Variants in PARP9 observed in about 807,000 individuals in gnomAD.
PARP9 encodes the protein poly(ADP-ribose) polymerase family member 9.
Under a neutral mutation model 68.8 loss-of-function variants are expected in PARP9, and 48 were observed. That is an observed-to-expected ratio of 0.70 (90% CI 0.55 to 0.89). The LOEUF (loss-of-function observed/expected upper bound fraction) is 0.89. Among genes scored for constraint, PARP9 ranks in the 40% least tolerant of loss-of-function variants. The pLI is 0.00. For missense variants in PARP9, 806 were observed against 969.3 expected (o/e 0.83, Z 2.24); for synonymous variants, 309 against 333.8 (o/e 0.93, Z 0.81).
Position 122,555,532 on chromosome 3 carries a change from C to A in PARP9, c.639G>T (p.Leu213=). 6.2e-7 allele frequency: 1 copy of A among 1,614,188 alleles called. No individual in the cohort carries two copies. Residue 213 remains leucine, a synonymous_variant, in exon 4 of 11, where the codon CTG becomes CTT. Transcript: ENST00000682323. ...CTACAATAGTCTTTGTACACAAATT[C>A]AGAGGGAACTGAAAAATCCCAGAGC... ...ALSSGIFQFP[L]NLCTKTIVET...
chr3:122,553,100 G>C (rs1470878393), intron 4 of PARP9, among the ~76,000 whole-genome samples: 1 of 152,054 alleles, frequency 6.6e-6, no homozygotes, highest in African/African-American at 2.4e-5. Context: ...TATGGTTTAA[G>C]GTATAAGAAA....
chr3:122,550,966 AT>A lies in PARP9; in HGVS notation c.1108-165del, dbSNP rs375279501. Among the ~76,000 whole-genome samples, 36 of 152,290 alleles carry A rather than the reference AT, an allele frequency of 2.4e-4. No individual in the cohort carries two copies. The East Asian group carries it at 2.5e-3, about 11-fold the overall frequency. ...AAAGGTCCCACTCCAGAGGGAACCC[AT>A]TATGGTATAAGGTTAGATGGTGAGA... is the stretch of plus-strand genomic sequence containing the variant. On this transcript the variant is annotated intron_variant, in intron 5 of 10. Coordinates refer to ENST00000682323, the MANE Select transcript of PARP9 (RefSeq NM_001146105.2).
chr3:122,562,322 A>G (rs2080298193), intron 1 of PARP9, among the ~76,000 whole-genome samples: 2 of 150,434 alleles, frequency 1.3e-5, no homozygotes, highest in Admixed American at 6.6e-5. Flanking sequence ...AGCTGGGACT[A>G]CAGGCGCCCA....
In PARP9 at chr3:122,547,065, C is replaced by T. The variant is rs10934606; in HGVS notation, c.1327-1576G>A. On this transcript the variant is annotated intron_variant, in intron 6 of 10. Coordinates refer to ENST00000682323, the MANE Select transcript of PARP9 (RefSeq NM_001146105.2). ...ACATACACACATATATATACACATA[C>T]ATATATACACACACACACACATATA... Among the ~76,000 whole-genome samples, 8 of 120,858 alleles carry T rather than the reference C, an allele frequency of 6.6e-5. No individual in the cohort carries two copies. The East Asian group carries it at 1.8e-3, about 27-fold the overall frequency. The allele number at this position is 120,858 out of a possible 152,430, so 79.3% of individuals were successfully genotyped here.
In PARP9 at chr3:122,547,112, C is replaced by CTTT. The variant is rs35670026; in HGVS notation, c.1327-1626_1327-1624dup. Among the ~76,000 whole-genome samples the CTTT allele has an allele frequency of 3.1e-4, 32 of 104,030 alleles. 4 individuals carry two copies. In the East Asian group the frequency reaches 3.6e-3, roughly 12 times the overall value. The allele number at this position is 104,030 out of a possible 152,430, so 68.2% of individuals were successfully genotyped here. A position where few individuals can be genotyped will look rare whatever the true frequency, so the allele number is the denominator to read the frequency against. On this transcript the variant is annotated intron_variant, in intron 6 of 10. Transcript: ENST00000682323. ...TATATATATACACGTATTTTTTTTTCTTTTTTTTTTTTTTTGAGATGGCCC... is the reference window on the plus strand; with the variant it reads ...TATATATATACACGTATTTTTTTTTCTTTTTTTTTTTTTTTTTTGAGATGGCCC...
At chr3:122,532,289 A>T (rs2077365539) in intron 10 of PARP9, 1 of 985,242 alleles carries the variant, frequency 1.0e-6, no homozygotes, top group African/African-American at 1.7e-5. Flanking sequence ...TGGCCTGTGC[A>T]GACACTACCT....
intron 1 of PARP9, among the ~76,000 whole-genome samples, chr3:122,562,415 G>A (rs1372595193): frequency 1.3e-5 from 2 of 150,608 alleles, no homozygotes; most frequent in South Asian, 2.1e-4. Flanking sequence ...GGATGGTCTC[G>A]ATCTCCTGAC....
At chr3:122,547,021 CACACAT>C (rs1326443470) in intron 6 of PARP9, among the ~76,000 whole-genome samples, 1 of 138,646 alleles carries the variant, frequency 7.2e-6, no homozygotes, top group Non-Finnish European at 1.6e-5. Flanking sequence ...TATACACACA[CACACAT>C]ACACACACAT....
At chr3:122,532,187 G>A in intron 10 of PARP9, 1 of 985,418 alleles carries the variant, frequency 1.0e-6, no homozygotes, top group South Asian at 4.7e-5. Context: ...ATTCAGCTTG[G>A]AGGATGAACA....
intron 8 of PARP9, among the ~76,000 whole-genome samples, chr3:122,539,514 T>C (rs571522062): frequency 7.7e-4 from 18 of 23,226 alleles, no homozygotes; most frequent in South Asian, 5.6e-3. Context: ...GGCATTTCTT[T>C]CTTTCTTTCT....
chr3:122,537,124 A>C, intron 8 of PARP9, 51 bp from the exon 9 acceptor site: 1 of 1,517,326 alleles, frequency 6.6e-7, no homozygotes, highest in Non-Finnish European at 8.9e-7. Context: ...AGAGAGGAGA[A>C]AAGAAATTTA....
intron 9 of PARP9, 47 bp from the exon 10 acceptor site, chr3:122,536,389 T>C: frequency 6.3e-7 from 1 of 1,594,106 alleles, no homozygotes; most frequent in Non-Finnish European, 8.5e-7. Flanking sequence ...AGAGAACCGC[T>C]CTTTAAATTG....
chr3:122,562,106 C>T (rs914400624), intron 1 of PARP9, among the ~76,000 whole-genome samples: 1 of 152,220 alleles, frequency 6.6e-6, no homozygotes, highest in African/African-American at 2.4e-5. Context: ...CCCACTGACA[C>T]TGCCTCACTT....
In PARP9 at chr3:122,536,273, G is replaced by A; in HGVS notation, c.1975C>T (p.Leu659=). Residue 659 remains leucine (L), a synonymous_variant, in exon 10 of 11, where the codon CTG becomes TTG. Transcript: ENST00000682323. ...CTATGGCTCACAGGTTGCCTGTGCA[G>A]TTTTTCTTCCATCATTTTCTTCTTT... ...QRKKKMMEEK[L]HRQPVSHRLF... 6.2e-7 allele frequency: 1 copy of A among 1,614,154 alleles called. No individual in the cohort carries two copies. Among genetic ancestry groups the A allele is most frequent in the East Asian group, 2.2e-5 (1 of 44,880 alleles).
Position 122,528,196 on chromosome 3 carries a change from G to C in PARP9, c.*168C>G. On this transcript the variant is annotated 3_prime_UTR_variant, in exon 11 of 11. Coordinates refer to ENST00000682323, the MANE Select transcript of PARP9 (RefSeq NM_001146105.2). Reference sequence around the variant, plus strand: ...ACCCCAACCCCAAGACATAAAGACAGATAAAGGCACTAAGATGCTAGTATG... The same window carrying C: ...ACCCCAACCCCAAGACATAAAGACACATAAAGGCACTAAGATGCTAGTATG... 1.2e-6 allele frequency: 1 copy of C among 823,036 alleles called. No homozygotes were observed. Among genetic ancestry groups the C allele is most frequent in the African/African-American group, 1.7e-5 (1 of 58,646 alleles). The allele number at this position is 823,036 out of a possible 1,614,324, so 51.0% of individuals were successfully genotyped here.
intron 4 of PARP9, 28 bp from the exon 5 acceptor site, chr3:122,552,667 A>G (rs770645974): frequency 6.7e-7 from 1 of 1,502,542 alleles, no homozygotes; most frequent in Admixed American, 1.7e-5. Flanking sequence ...GGTAGGATTC[A>G]TTGTTAAATT....
At chr3:122,542,583 G>A (rs550650450) in intron 7 of PARP9, among the ~76,000 whole-genome samples, 1 of 151,782 alleles carries the variant, frequency 6.6e-6, no homozygotes, top group Non-Finnish European at 1.5e-5. Context: ...GGGTTCAGAC[G>A]ATTCTCCTGC....
chr3:122,540,054 G>A (rs560745150), intron 8 of PARP9, among the ~76,000 whole-genome samples: 42 of 152,314 alleles, frequency 2.8e-4, no homozygotes, highest in Non-Finnish European at 3.4e-4. Context: ...TAATTTTAGC[G>A]TTCCTAATGC....
Position 122,555,994 on chromosome 3 carries a change from G to A in PARP9, c.177C>T (p.Thr59=), listed in dbSNP as rs368112511. Residue 59 remains threonine, a synonymous_variant, in exon 4 of 11, where the codon ACC becomes ACT. Coordinates refer to ENST00000682323, the MANE Select transcript of PARP9 (RefSeq NM_001146105.2). ...TGCCTTCCTGAACTGGAGAGACCAG[G>A]GTAGAGATACAGCCAAACTTATTCT... ...VLQNKFGCIS[T]LVSPVQEGNS... 6.2e-7 allele frequency: 1 copy of A among 1,613,718 alleles called. No homozygotes were observed. The highest frequency in any genetic ancestry group is 8.5e-7 in the Non-Finnish European group (1 of 1,179,958).
Sources: gnomAD v4.1 joint callset for allele counts (sites outside exome capture counted in the v4.1 genomes callset) on GRCh38, gnomAD v4.1.1 for gene constraint, MANE v1.5 for transcripts, NCBI Gene and HGNC (gene_info 2026-07-23, HGNC 2026-07-21) for gene names.